Variants in MED22 observed in about 807,000 individuals in gnomAD.
MED22 encodes mediator complex subunit 22, also known as mediator of RNA polymerase II transcription subunit 22.
MED22 carries 22 observed loss-of-function variants against 22.7 expected under a neutral mutation model. The ratio of observed to expected loss-of-function variants is 0.97; its 90% CI spans 0.69 to 1.38. MED22 has a LOEUF of 1.38. Among genes scored for constraint, MED22 ranks in the 40% most tolerant of loss-of-function variants. The pLI, the probability that MED22 is intolerant of heterozygous loss-of-function variation, is 0.00. For missense variants in MED22, 247 were observed against 263.0 expected, an observed-to-expected ratio of 0.94 and a Z score of 0.42; for synonymous variants, 134 against 119.4, an observed-to-expected ratio of 1.12 and a Z score of -0.80.
At chr9:133,346,029 T>C (rs2129966947) in intron 2 of MED22, among the ~76,000 whole-genome samples, 4 of 152,188 alleles carry the variant, frequency 2.6e-5, no homozygotes, top group Non-Finnish European at 4.4e-5. Flanking sequence ...CGTGGCTTGA[T>C]ACATGGCAAG....
chr9:133,341,226 A>G lies in MED22; in HGVS notation c.*279T>C, dbSNP rs184679506. The G allele has an allele frequency of 1.2e-5, 4 of 345,494 alleles. No homozygotes were observed. Among genetic ancestry groups the G allele is most frequent in the Admixed American group, 5.1e-5 (1 of 19,550 alleles). 21.4% of individuals were successfully genotyped at this position (345,494 alleles called of 1,614,324 possible). On this transcript the variant is annotated 3_prime_UTR_variant, in exon 5 of 5. Transcript: ENST00000343730. ...CTGAGATCCCCAACGGGCCAGACCTAGCTTGGAAACTTTCTTCCACCTGGC... is the reference window on the plus strand; with the variant it reads ...CTGAGATCCCCAACGGGCCAGACCTGGCTTGGAAACTTTCTTCCACCTGGC...
chr9:133,343,478 G>A (rs1836075548), intron 4 of MED22: 2 of 1,233,492 alleles, frequency 1.6e-6, no homozygotes, highest in Non-Finnish European at 2.0e-6. Flanking sequence ...AGGATGATGG[G>A]TTTTGACCCT....
At chr9:133,342,575 G>A (rs1564339294) in intron 4 of MED22, 2 of 986,540 alleles carry the variant, frequency 2.0e-6, no homozygotes, top group East Asian at 2.3e-4. Flanking sequence ...GCAGGGAGCG[G>A]AGCGCCCTTT....
Position 133,348,093 on chromosome 9 carries a change from G to C in MED22, c.-210C>G. 1.8e-6 allele frequency: 2 copies of C among 1,140,368 alleles called. No homozygotes were observed. Among genetic ancestry groups the C allele is most frequent in the South Asian group, 1.3e-5 (1 of 75,966 alleles). The allele number at this position is 1,140,368 out of a possible 1,614,324, so 70.6% of individuals were successfully genotyped here. On this transcript the variant is annotated 5_prime_UTR_variant, in exon 1 of 5. Coordinates refer to ENST00000343730, the MANE Select transcript of MED22 (RefSeq NM_133640.5). ...TCCGAAAACCTAGTCAGCCGCCGCAGCCTCTCGGCCCCGCCTCGATTTTTA... is the reference window on the plus strand; with the variant it reads ...TCCGAAAACCTAGTCAGCCGCCGCACCCTCTCGGCCCCGCCTCGATTTTTA...
chr9:133,343,986 A>T (rs1228782656), intron 4 of MED22, 139 bp downstream of exon 4: 1 of 1,484,420 alleles, frequency 6.7e-7, no homozygotes, highest in Non-Finnish European at 8.9e-7. Flanking sequence ...TCTGGCCAGG[A>T]GCTCTGCTCT....
intron 4 of MED22, chr9:133,342,676 G>A: frequency 5.9e-5 from 58 of 985,818 alleles, no homozygotes; most frequent in Non-Finnish European, 6.9e-5. Context: ...TTCTGCCACA[G>A]GGGCTGTGTG....
At position 133,338,885 on chromosome 9, in the gene MED22, G is replaced by A; in HGVS notation, c.*2620C>T. ...GAGCCACTGGGCCTGACCTGGTCCTGTTTTAGATTTTAAGACTCCAAAATA... is the reference window on the plus strand; with the variant it reads ...GAGCCACTGGGCCTGACCTGGTCCTATTTTAGATTTTAAGACTCCAAAATA... On this transcript the variant is annotated 3_prime_UTR_variant, in exon 5 of 5. Transcript: ENST00000343730. 2.1e-6 allele frequency: 1 copy of A among 478,464 alleles called. No individual in the cohort carries two copies. The highest frequency in any genetic ancestry group is 6.3e-4 in the Middle Eastern group (1 of 1,582). The allele number at this position is 478,464 out of a possible 1,614,324, so 29.6% of individuals were successfully genotyped here.
intron 1 of MED22, 39 bp downstream of exon 1, chr9:133,347,883 A>AC (rs1304788625): frequency 1.4e-3 from 23 of 16,908 alleles, no homozygotes; most frequent in Admixed American, 2.8e-3. Flanking sequence ...CCACACACCC[A>AC]CCCCCCCTCC....
At chr9:133,342,691 C>G (rs1588678600) in intron 4 of MED22, 1 of 985,868 alleles carries the variant, frequency 1.0e-6, no homozygotes. Context: ...TGTGTGAGGC[C>G]CCCCAGGGGG....
At chr9:133,347,506 A>C (rs1238905850) in intron 1 of MED22, 1 of 151,818 alleles carries the variant, frequency 6.6e-6, no homozygotes. Flanking sequence ...ACAGGGGGAG[A>C]CTACGTCTCC....
At chr9:133,343,897 T>C in intron 4 of MED22, 2 of 1,427,930 alleles carry the variant, frequency 1.4e-6, no homozygotes, top group Non-Finnish European at 1.8e-6. Flanking sequence ...GCGTGAGTCC[T>C]GTGGTTTTCA....
Position 133,340,744 on chromosome 9 carries a change from G to A in MED22, c.*761C>T, listed in dbSNP as rs2129945787. 6.6e-6 allele frequency: 1 copy of A among 152,376 alleles called. No homozygotes were observed. Among genetic ancestry groups the A allele is most frequent in the East Asian group, 1.9e-4 (1 of 5,180 alleles). 9.4% of individuals were successfully genotyped at this position (152,376 alleles called of 1,614,324 possible). A position where few individuals can be genotyped will look rare whatever the true frequency, so the allele number is the denominator to read the frequency against. On this transcript the variant is annotated 3_prime_UTR_variant, in exon 5 of 5. Coordinates refer to ENST00000343730, the MANE Select transcript of MED22 (RefSeq NM_133640.5). ...GCCTGGATGTGCAATGATGGCAGCA[G>A]GTCCATTCACTGAATACTGGGGACC... is the stretch of plus-strand genomic sequence containing the variant.
At chr9:133,347,065 C>G (rs1379347458) in intron 1 of MED22, 1 of 208,874 alleles carries the variant, frequency 4.8e-6, no homozygotes, top group Non-Finnish European at 9.8e-6. Flanking sequence ...CTTCGCCACG[C>G]CCTCCCATCC....
intron 4 of MED22, chr9:133,343,518 T>A: frequency 8.1e-7 from 1 of 1,237,114 alleles, no homozygotes; most frequent in Non-Finnish European, 1.0e-6. Flanking sequence ...GCACGGGGCC[T>A]GGCACGTAGG....
chr9:133,345,896 G>A (rs1373665173), intron 2 of MED22, among the ~76,000 whole-genome samples: 7 of 152,202 alleles, frequency 4.6e-5, no homozygotes, highest in African/African-American at 1.7e-4. Flanking sequence ...TGAGCTGAGT[G>A]ACCTTGGGCA....
rs113544624 is a variant in MED22, at chr9:133,344,037, T to C, written c.413+88A>G. On this transcript the variant is annotated intron_variant, in intron 4 of 4. Transcript: ENST00000343730. ...CTCCACTGCTAAGACCAGCAAGAAT[T>C]TGAAAAAGCAGAAGGCAGCCCTGCC... The C allele has an allele frequency of 4.8e-5, 76 of 1,583,540 alleles. 1 individual carries two copies. In the African/African-American group the frequency reaches 7.3e-4, roughly 15 times the overall value.
At chr9:133,345,098 C>T (rs1389853760) in intron 3 of MED22, 74 bp downstream of exon 3, 1 of 1,461,698 alleles carries the variant, frequency 6.8e-7, no homozygotes, top group East Asian at 2.3e-5. Flanking sequence ...AGAGCCCCCT[C>T]CACTCCACCC....
intron 4 of MED22, chr9:133,342,513 A>G (rs925196635): frequency 3.1e-5 from 31 of 986,764 alleles, no homozygotes; most frequent in Non-Finnish European, 3.7e-5. Context: ...ACAAGCAGAG[A>G]GGGGGCAGGC....
chr9:133,347,321 G>A (rs1317281642), intron 1 of MED22: 2 of 152,306 alleles, frequency 1.3e-5, no homozygotes, highest in Non-Finnish European at 2.9e-5. Context: ...TTTGAGACTA[G>A]CCTGACCAAC....
Sources: allele counts gnomAD v4.1 joint callset (sites outside exome capture counted in the v4.1 genomes callset), GRCh38; gene constraint gnomAD v4.1.1; transcripts MANE v1.5; gene names NCBI Gene and HGNC (gene_info 2026-07-23, HGNC 2026-07-21).